Variants in PIGN observed in about 807,000 individuals in gnomAD.
PIGN encodes the protein phosphatidylinositol glycan anchor biosynthesis class N.
In PIGN, 117 loss-of-function variants were observed where a neutral mutation model predicts 125.4. That is an observed-to-expected ratio of 0.93 (90% CI 0.80 to 1.09). PIGN has a LOEUF of 1.09. PIGN is among the 50% of genes least tolerant of loss of function. The probability of loss-of-function intolerance (pLI) is 0.00; values close to 1 mark genes in which losing one functional copy is unlikely to be tolerated. For synonymous variants in PIGN, 392 were observed against 377.8 expected, an observed-to-expected ratio of 1.04 and a Z score of -0.44; for missense variants, 1,075 against 1,094.9, an observed-to-expected ratio of 0.98 and a Z score of 0.26.
intron 14 of PIGN, among the ~76,000 whole-genome samples, chr18:62,120,066 A>G (rs1450261240): frequency 6.6e-6 from 1 of 152,162 alleles, no homozygotes; most frequent in Non-Finnish European, 1.5e-5. Flanking sequence ...GAACTTTACA[A>G]AACTAATGAA....
intron 19 of PIGN, 57 bp from the exon 20 acceptor site, chr18:62,105,691 G>A: frequency 4.1e-6 from 4 of 985,018 alleles, no homozygotes; most frequent in Non-Finnish European, 6.2e-6. Context: ...ACTATCATTA[G>A]TGTTTCACAG....
intron 6 of PIGN, 118 bp from the exon 7 acceptor site, chr18:62,154,769 C>T: frequency 1.6e-6 from 1 of 640,958 alleles, no homozygotes. Context: ...AAGCATTGTT[C>T]ATTATGATGG....
At chr18:62,127,844 T>C (rs1034380864) in intron 14 of PIGN, among the ~76,000 whole-genome samples, 9 of 152,010 alleles carry the variant, frequency 5.9e-5, no homozygotes, top group Non-Finnish European at 1.2e-4. Context: ...TCCTGTGGCA[T>C]TTTTCTTACT....
In PIGN at chr18:62,159,114, C is replaced by T. The variant is rs7237786; in HGVS notation, c.222-1306G>A. Among the ~76,000 whole-genome samples, 679 of 152,146 alleles carry T rather than the reference C, an allele frequency of 4.5e-3. 3 individuals are homozygous for T. Among genetic ancestry groups the T allele is most frequent in the African/African-American group, 0.016 (650 of 41,506 alleles). On this transcript the variant is annotated intron_variant, in intron 4 of 30. Transcript: ENST00000640252. ...CAAAAATTAGCCGGGCGTGGTGGCA[C>T]GTGCCTGTAATCCCAGCTACTCAGG...
intron 30 of PIGN, among the ~76,000 whole-genome samples, chr18:62,060,366 C>A (rs2145389445): frequency 1.3e-5 from 2 of 152,202 alleles, no homozygotes; most frequent in Middle Eastern, 3.4e-3. Context: ...CAGGCCTTTT[C>A]AACCTGCACA....
At chr18:62,127,184 T>C (rs890743954) in intron 14 of PIGN, among the ~76,000 whole-genome samples, 20 of 152,150 alleles carry the variant, frequency 1.3e-4, no homozygotes, top group Admixed American at 6.5e-4. Context: ...CAGGTGCTCC[T>C]CAACTTAAGA....
At chr18:62,115,619 T>C (rs1226908835) in intron 14 of PIGN, among the ~76,000 whole-genome samples, 1 of 145,746 alleles carries the variant, frequency 6.9e-6, no homozygotes, top group Admixed American at 7.3e-5. Context: ...GAGATAGGAC[T>C]GAGACTTGTA....
At position 62,161,190 on chromosome 18, in the gene PIGN, C is replaced by T. The variant is rs372976564; in HGVS notation, c.164G>A (p.Arg55Gln). 1.9e-6 allele frequency: 3 copies of T among 1,613,816 alleles called. No homozygotes were observed. Among genetic ancestry groups the T allele is most frequent in the Non-Finnish European group, 2.5e-6 (3 of 1,179,802 alleles). The change falls in exon 4 of 31, where the codon CGA (arginine) becomes CAA (glutamine). Residue 55 changes from arginine to glutamine, a missense_variant. This residue lies in a region of PIGN where 152 missense variants were observed against 162.9 expected (regional missense o/e 0.93). Transcript: ENST00000640252. The stretch of plus-strand genomic sequence containing the variant: ...ATCTAATTCGTAAAGTGCATCTGCT[C>T]GAAGGCCATCAGCAACAAACAACAC... ...RLVLFVADGL[R>Q]ADALYELDEN...
intron 30 of PIGN, among the ~76,000 whole-genome samples, chr18:62,053,634 T>A (rs1374151758): frequency 6.6e-6 from 1 of 152,132 alleles, no homozygotes; most frequent in Non-Finnish European, 1.5e-5. Flanking sequence ...TAATATCAGA[T>A]AAAATAGACT....
intron 23 of PIGN, among the ~76,000 whole-genome samples, chr18:62,094,125 T>A (rs754732648): frequency 2.6e-5 from 4 of 152,172 alleles, no homozygotes; most frequent in Non-Finnish European, 5.9e-5. Flanking sequence ...ATTAAATTGA[T>A]GATTTAAAAT....
chr18:62,051,507 C>G (rs2031284830), intron 30 of PIGN, among the ~76,000 whole-genome samples: 2 of 152,100 alleles, frequency 1.3e-5, no homozygotes, highest in South Asian at 4.2e-4. Context: ...TTGTAGTATT[C>G]TCTGATGGTA....
At chr18:62,079,257 CT>C (rs2033332477) in intron 28 of PIGN, among the ~76,000 whole-genome samples, 1 of 152,184 alleles carries the variant, frequency 6.6e-6, no homozygotes, top group Non-Finnish European at 1.5e-5. Flanking sequence ...ATTTTTTCCC[CT>C]GACATTTAAC....
At chr18:62,091,583 C>A (rs1233738595) in intron 23 of PIGN, among the ~76,000 whole-genome samples, 1 of 152,090 alleles carries the variant, frequency 6.6e-6, no homozygotes, top group African/African-American at 2.4e-5. Context: ...AAGCAGGAAA[C>A]AGAAAACAAC....
intron 25 of PIGN, among the ~76,000 whole-genome samples, chr18:62,087,030 A>G (rs2033738509): frequency 6.6e-6 from 1 of 152,174 alleles, no homozygotes; most frequent in Non-Finnish European, 1.5e-5. Flanking sequence ...GCCCAGCAGA[A>G]TGTTAGACAT....
intron 6 of PIGN, among the ~76,000 whole-genome samples, chr18:62,156,440 C>A (rs1460980908): frequency 1.3e-5 from 2 of 152,078 alleles, no homozygotes; most frequent in African/African-American, 4.8e-5. Context: ...AAGCACTCTT[C>A]CCACCTCAGC....
At position 62,114,563 on chromosome 18, in the gene PIGN, C is replaced by T. The variant is rs762619265; in HGVS notation, c.1249G>A (p.Val417Met). Residue 417 changes from valine to methionine, a missense_variant and splice_region_variant, in exon 15 of 31, where the codon GTG (valine) becomes ATG (methionine). Coordinates refer to ENST00000640252, the MANE Select transcript of PIGN (RefSeq NM_176787.5). ...SYIKHRKFDE[V>M]VSLCKELIHL... ...GTCTATAAGGCCGGTATACTTACCA[C>T]TTCATCAAACTTTCTGTGTTTTATA... 8 of 1,505,560 alleles carry T rather than the reference C, an allele frequency of 5.3e-6. No individual in the cohort carries two copies. Among genetic ancestry groups the T allele is most frequent in the African/African-American group, 2.8e-5 (2 of 72,298 alleles). The allele number at this position is 1,505,560 out of a possible 1,614,324, so 93.3% of individuals were successfully genotyped here.
chr18:62,101,682 A>G (rs1285181488), intron 21 of PIGN, among the ~76,000 whole-genome samples: 1 of 152,094 alleles, frequency 6.6e-6, no homozygotes, highest in Non-Finnish European at 1.5e-5. Context: ...AATGTTGTAT[A>G]TTTTTATTTC....
At chr18:62,170,510 A>G (rs2037313135) in intron 1 of PIGN, among the ~76,000 whole-genome samples, 1 of 152,216 alleles carries the variant, frequency 6.6e-6, no homozygotes, top group Non-Finnish European at 1.5e-5. Context: ...TAAGACAGCA[A>G]ACTTAATAAA....
chr18:62,020,675 C>G (rs532897926), intron 23 of PIGN, among the ~76,000 whole-genome samples: 1 of 151,696 alleles, frequency 6.6e-6, no homozygotes. Context: ...ACTGGCCGGG[C>G]GCGGTGGCTC....
Sources: allele counts gnomAD v4.1 joint callset (sites outside exome capture counted in the v4.1 genomes callset), GRCh38; gene constraint gnomAD v4.1.1; regional missense constraint gnomAD v4.1.1; transcripts MANE v1.5; gene names NCBI Gene and HGNC (gene_info 2026-07-23, HGNC 2026-07-21).